PRKCQ: variants seen among roughly 807,000 people sequenced by gnomAD.
PRKCQ encodes the protein protein kinase C theta type.
Under a neutral mutation model 91.2 loss-of-function variants are expected in PRKCQ, and 41 were observed. That is an observed-to-expected ratio of 0.45 (90% CI 0.35 to 0.58). The LOEUF is 0.58. Ranked by LOEUF, PRKCQ falls within the 20% of genes least tolerant of loss-of-function variation. The pLI, the probability that PRKCQ is intolerant of heterozygous loss-of-function variation, is 0.00. For missense variants in PRKCQ, 673 were observed against 896.5 expected (o/e 0.75, Z 3.18); for synonymous variants, 307 against 316.9 (o/e 0.97, Z 0.33).
chr10:6,520,258 G>A (rs1031514553), intron 1 of PRKCQ, among the ~76,000 whole-genome samples: 3 of 152,106 alleles, frequency 2.0e-5, no homozygotes, highest in African/African-American at 7.2e-5. Flanking sequence ...TGCCAGCTCG[G>A]TGCTGGGTGC....
intron 16 of PRKCQ, among the ~76,000 whole-genome samples, chr10:6,436,609 C>T (rs1426662454): frequency 6.6e-6 from 1 of 152,216 alleles, no homozygotes; most frequent in Non-Finnish European, 1.5e-5. Flanking sequence ...AACCACTAAT[C>T]TGACTTCCAT....
intron 15 of PRKCQ, among the ~76,000 whole-genome samples, chr10:6,453,742 A>C (rs1588682890): frequency 1.7e-5 from 1 of 58,088 alleles, no homozygotes; most frequent in Non-Finnish European, 3.2e-5. Flanking sequence ...ATGCAGCCAT[A>C]AAAAAATGAT....
In PRKCQ at chr10:6,465,790, T is replaced by C. The variant is rs1266037957; in HGVS notation, c.1354-1386A>G. On this transcript the variant is annotated intron_variant, in intron 12 of 17. Transcript: ENST00000263125. The surrounding 1 kb of genome is among the most constrained non-coding windows in gnomAD (Gnocchi z 4.4). ...ATTATCTCAATAATCCAGGTCAAGG[T>C]AAGCATCCGTCTTTTTTCAATGTTA... Among the ~76,000 whole-genome samples, 1 of 152,264 alleles carries C rather than the reference T, an allele frequency of 6.6e-6. No homozygotes were observed. Among genetic ancestry groups the C allele is most frequent in the Non-Finnish European group, 1.5e-5 (1 of 68,042 alleles).
upstream of PRKCQ, chr10:6,580,460 C>T (rs1841439927): frequency 6.6e-6 from 1 of 151,974 alleles, no homozygotes; most frequent in Non-Finnish European, 1.5e-5. Flanking sequence ...CGCCGTGCGC[C>T]CCCGGTCCCG....
At chr10:6,504,207 C>T (rs1024193428) in intron 4 of PRKCQ, among the ~76,000 whole-genome samples, 2 of 152,196 alleles carry the variant, frequency 1.3e-5, no homozygotes, top group Non-Finnish European at 2.9e-5. Context: ...TTATTTTATT[C>T]CTGTAGCTAC....
At chr10:6,464,080 C>T (rs557517796) in intron 13 of PRKCQ, among the ~76,000 whole-genome samples, 29 of 152,144 alleles carry the variant, frequency 1.9e-4, no homozygotes, top group African/African-American at 3.9e-4. Flanking sequence ...CCTGATGAAT[C>T]GGGATGGTTC....
intron 1 of PRKCQ, among the ~76,000 whole-genome samples, chr10:6,517,777 G>A (rs2130875183): frequency 6.6e-6 from 1 of 151,654 alleles, no homozygotes; most frequent in African/African-American, 2.4e-5. Context: ...AAATAGCTAT[G>A]GTTAGTGTAA....
At position 6,511,108 on chromosome 10, in the gene PRKCQ, C is replaced by G. The variant is rs773969132; in HGVS notation, c.205G>C (p.Val69Leu). The G allele has an allele frequency of 1.2e-6, 2 of 1,614,054 alleles. No homozygotes were observed. The highest frequency in any genetic ancestry group is 1.3e-5 in the African/African-American group (1 of 74,906). Residue 69 changes from valine (V) to leucine (L), a missense_variant, in exon 3 of 18, where the codon GTC (valine) becomes CTC (leucine). Coordinates refer to ENST00000263125, the MANE Select transcript of PRKCQ (RefSeq NM_006257.5). The part of the protein sequence containing the change: ...TFDAHINKGR[V>L]MQIIVKGKNV... ...TTGCCTTTCACAATGATCTGCATGA[C>G]TCTTCCCTTGTTGATATGGGCATCA...
intron 1 of PRKCQ, among the ~76,000 whole-genome samples, chr10:6,527,522 C>T (rs964307186): frequency 6.6e-6 from 1 of 152,096 alleles, no homozygotes; most frequent in African/African-American, 2.4e-5. Flanking sequence ...CATCCCTGTA[C>T]CCCAGGAAGA....
intron 1 of PRKCQ, among the ~76,000 whole-genome samples, chr10:6,522,149 C>T (rs1446022517): frequency 1.3e-5 from 2 of 152,032 alleles, no homozygotes; most frequent in Non-Finnish European, 2.9e-5. Flanking sequence ...ACCATGCTGG[C>T]TAGGCTGGTC....
chr10:6,523,553 G>C (rs373500107), intron 1 of PRKCQ, among the ~76,000 whole-genome samples: 61 of 152,296 alleles, frequency 4.0e-4, no homozygotes, highest in African/African-American at 1.5e-3. Context: ...TCAACCCTCA[G>C]TCAGAACTAG....
At chr10:6,462,249 A>G in intron 14 of PRKCQ, 54 bp downstream of exon 14, 3 of 1,521,712 alleles carry the variant, frequency 2.0e-6, no homozygotes, top group Non-Finnish European at 2.7e-6. Flanking sequence ...GATTAAATTA[A>G]CTGAGCCAGG....
chr10:6,479,894 G>A (rs966878428), intron 11 of PRKCQ, among the ~76,000 whole-genome samples: 1 of 151,924 alleles, frequency 6.6e-6, no homozygotes, highest in Non-Finnish European at 1.5e-5. Flanking sequence ...GGAGGTTGTG[G>A]TGAACTGAGA....
chr10:6,450,415 C>T (rs1834594882), intron 15 of PRKCQ, among the ~76,000 whole-genome samples: 1 of 152,098 alleles, frequency 6.6e-6, no homozygotes, highest in Non-Finnish European at 1.5e-5. Context: ...TACAGGAGCA[C>T]CCAGATTCAT....
intron 11 of PRKCQ, among the ~76,000 whole-genome samples, chr10:6,481,529 T>C (rs1280410233): frequency 6.6e-6 from 1 of 152,254 alleles, no homozygotes; most frequent in Non-Finnish European, 1.5e-5. Flanking sequence ...CATATTATTG[T>C]GGAACTGAAC....
chr10:6,404,792 C>A, the PRKCQ span, among the ~76,000 whole-genome samples: 1 of 132,158 alleles, frequency 7.6e-6, no homozygotes. Context: ...TCACTCCTTC[C>A]TTCCTTCTTT....
At chr10:6,566,873 C>T (rs973218255) in intron 1 of PRKCQ, among the ~76,000 whole-genome samples, 1 of 152,018 alleles carries the variant, frequency 6.6e-6, no homozygotes, top group Non-Finnish European at 1.5e-5. Context: ...GATATGGACC[C>T]AAATCGGAGT....
chr10:6,507,303 A>T (rs1425031019), intron 4 of PRKCQ, 133 bp downstream of exon 4: 5 of 885,450 alleles, frequency 5.6e-6, no homozygotes, highest in Non-Finnish European at 7.2e-6. Context: ...ACCTCTGAGA[A>T]TTTTAAAACA....
intron 12 of PRKCQ, among the ~76,000 whole-genome samples, chr10:6,468,967 A>G (rs1835827072): frequency 6.6e-6 from 1 of 152,262 alleles, no homozygotes; most frequent in Non-Finnish European, 1.5e-5. Flanking sequence ...ATTAAATGAA[A>G]GAATTCATAT....
Sources: gnomAD v4.1 joint callset for allele counts (sites outside exome capture counted in the v4.1 genomes callset) on GRCh38, gnomAD v4.1.1 for gene constraint, Gnocchi (gnomAD v3.1) non-coding constraint, MANE v1.5 for transcripts, NCBI Gene and HGNC (gene_info 2026-07-23, HGNC 2026-07-21) for gene names.